Variants in ANKS1B observed in about 807,000 individuals in gnomAD.
The protein encoded by ANKS1B is ankyrin repeat and sterile alpha motif domain-containing protein 1B.
In ANKS1B, 36 loss-of-function variants were observed where a neutral mutation model predicts 148.3. The ratio of observed to expected loss-of-function variants is 0.24; its 90% CI spans 0.19 to 0.32. The LOEUF is 0.32. Among genes scored for constraint, ANKS1B ranks in the 10% least tolerant of loss-of-function variants. The pLI is 1.00. For missense variants in ANKS1B, 1,157 were observed against 1,542.6 expected, an observed-to-expected ratio of 0.75 and a Z score of 4.19; for synonymous variants, 542 against 560.8, an observed-to-expected ratio of 0.97 and a Z score of 0.47.
Position 99,632,727 on chromosome 12 carries a change from C to CTAGATA in ANKS1B, c.1272+22339_1272+22340insTATCTA, listed in dbSNP as rs1419756181. ...TTTGGCCTGTGTCTTCCTTTTCTTT[C>CTAGATA]TATATATATATATATATATATATAT... On this transcript the variant is annotated intron_variant, in intron 9 of 26. Transcript: ENST00000683438. 1.3e-3 allele frequency among the ~76,000 whole-genome samples: 52 copies of CTAGATA among 39,032 alleles called. 2 individuals carry two copies. The highest frequency in any genetic ancestry group is 9.1e-3 in the East Asian group (9 of 984). The allele number at this position is 39,032 out of a possible 152,430, so 25.6% of individuals were successfully genotyped here.
intron 17 of ANKS1B, among the ~76,000 whole-genome samples, chr12:98,884,403 T>C (rs1304204458): frequency 1.3e-5 from 2 of 152,262 alleles, no homozygotes; most frequent in Non-Finnish European, 2.9e-5. Context: ...AGTTCATACA[T>C]ATGTACTTCT....
intron 14 of ANKS1B, among the ~76,000 whole-genome samples, chr12:99,234,296 C>T (rs1433246658): frequency 6.6e-6 from 1 of 152,242 alleles, no homozygotes; most frequent in African/African-American, 2.4e-5. Context: ...ACTTAGACCA[C>T]TTAAATCAAT....
At chr12:99,423,931 C>T (rs369594105) in intron 11 of ANKS1B, among the ~76,000 whole-genome samples, 1 of 152,084 alleles carries the variant, frequency 6.6e-6, no homozygotes, top group South Asian at 2.1e-4. Context: ...ATAACCCCCC[C>T]ACCCCGACAC....
Position 98,751,570 on chromosome 12 carries a change from G to C in ANKS1B, c.3580-48C>G. Reference sequence around the variant, plus strand: ...TTTGCTACTGGCACACTGCAAATTAGAATGGGTCGAATGGCTGAGGAACAC... The same window carrying C: ...TTTGCTACTGGCACACTGCAAATTACAATGGGTCGAATGGCTGAGGAACAC... On this transcript the variant is annotated intron_variant, in intron 25 of 26. Transcript: ENST00000683438. This position sits in a 1 kb window ranked among gnomAD's most constrained non-coding sequence, Gnocchi z 4.3. 1 of 1,566,410 alleles carries C rather than the reference G, an allele frequency of 6.4e-7. No homozygotes were observed.
chr12:99,212,979 G>A (rs948174167), intron 14 of ANKS1B, among the ~76,000 whole-genome samples: 2 of 152,200 alleles, frequency 1.3e-5, no homozygotes, highest in African/African-American at 4.8e-5. Context: ...AATGTAAAGT[G>A]AGTACCAGCG....
At chr12:99,496,811 C>T (rs1428700878) in intron 10 of ANKS1B, among the ~76,000 whole-genome samples, 1 of 152,024 alleles carries the variant, frequency 6.6e-6, no homozygotes, top group Non-Finnish European at 1.5e-5. Flanking sequence ...GGAAAGTTAA[C>T]TTTGATTTTC....
chr12:99,542,249 T>C (rs533181111), intron 9 of ANKS1B, among the ~76,000 whole-genome samples: 2 of 152,318 alleles, frequency 1.3e-5, no homozygotes, highest in East Asian at 3.9e-4. Flanking sequence ...AAAAAACCAA[T>C]TGTATTTCTA....
intron 1 of ANKS1B, among the ~76,000 whole-genome samples, chr12:99,864,313 T>G (rs1413131097): frequency 6.6e-6 from 1 of 152,132 alleles, no homozygotes; most frequent in African/African-American, 2.4e-5. Context: ...TTTAGTGAAT[T>G]CACAATTATT....
intron 14 of ANKS1B, among the ~76,000 whole-genome samples, chr12:99,225,593 A>C (rs1000628771): frequency 3.9e-5 from 6 of 152,170 alleles, no homozygotes; most frequent in Admixed American, 1.3e-4. Flanking sequence ...CAGCGTGGCT[A>C]CAAAAAAGCA....
intron 10 of ANKS1B, among the ~76,000 whole-genome samples, chr12:99,500,834 TTCTC>T (rs775963631): frequency 6.6e-6 from 1 of 152,200 alleles, no homozygotes; most frequent in Non-Finnish European, 1.5e-5. Context: ...ATTTGTCACA[TTCTC>T]TCTTTCTTCT....
rs2095744084 is a variant in ANKS1B, at chr12:99,983,809, G to A, written c.134+295C>T. On this transcript the variant is annotated intron_variant, in intron 1 of 26. Transcript: ENST00000683438. ...AATGTTGATGGAAAGCGGGCGGAACGTCGATTTTCTTCAAGCAACACTAGT... is the reference window on the plus strand; with the variant it reads ...AATGTTGATGGAAAGCGGGCGGAACATCGATTTTCTTCAAGCAACACTAGT... Among the ~76,000 whole-genome samples the A allele has an allele frequency of 5.9e-5, 9 of 152,016 alleles. No individual in the cohort carries two copies. The South Asian group carries it at 1.9e-3, about 31-fold the overall frequency.
chr12:99,242,422 T>C (rs1334980183), intron 14 of ANKS1B, among the ~76,000 whole-genome samples: 2 of 152,200 alleles, frequency 1.3e-5, no homozygotes, highest in Non-Finnish European at 2.9e-5. Flanking sequence ...GAACATTCCA[T>C]GCTCATGGAT....
At chr12:99,447,993 A>G (rs1447237814) in intron 10 of ANKS1B, among the ~76,000 whole-genome samples, 2 of 152,134 alleles carry the variant, frequency 1.3e-5, no homozygotes, top group Admixed American at 6.6e-5. Context: ...ACCACTGTAC[A>G]CTGTTAATGG....
intron 12 of ANKS1B, among the ~76,000 whole-genome samples, chr12:99,305,195 T>C (rs1226530613): frequency 1.3e-5 from 2 of 152,058 alleles, no homozygotes; most frequent in Non-Finnish European, 2.9e-5. Context: ...AAGCCATTCA[T>C]GAGGGATCTA....
At chr12:99,181,080 T>C (rs1047076294) in intron 14 of ANKS1B, among the ~76,000 whole-genome samples, 2 of 152,202 alleles carry the variant, frequency 1.3e-5, no homozygotes, top group Non-Finnish European at 2.9e-5. Flanking sequence ...AATCTAAGCA[T>C]AAAAATATAG....
At chr12:99,061,603 C>A (rs1389321742) in intron 16 of ANKS1B, among the ~76,000 whole-genome samples, 1 of 152,210 alleles carries the variant, frequency 6.6e-6, no homozygotes, top group East Asian at 1.9e-4. Flanking sequence ...ACCTTGTAAA[C>A]CTGCACTGCT....
chr12:99,472,383 T>C (rs1015339754), intron 10 of ANKS1B, among the ~76,000 whole-genome samples: 13 of 152,144 alleles, frequency 8.5e-5, no homozygotes, highest in African/African-American at 2.9e-4. Context: ...CTACAGAGCG[T>C]GAGCTCCTTG....
chr12:99,893,152 T>C (rs1310046450), intron 1 of ANKS1B, among the ~76,000 whole-genome samples: 1 of 152,140 alleles, frequency 6.6e-6, no homozygotes, highest in African/African-American at 2.4e-5. Context: ...GGCTCACAAC[T>C]GTAATCCTAG....
chr12:99,089,944 T>C (rs926361263), intron 15 of ANKS1B, among the ~76,000 whole-genome samples: 1 of 152,232 alleles, frequency 6.6e-6, no homozygotes, highest in Admixed American at 6.5e-5. Context: ...ATGCAGTATT[T>C]TTAGAATAGC....
Sources: allele counts gnomAD v4.1 joint callset (sites outside exome capture counted in the v4.1 genomes callset), GRCh38; gene constraint gnomAD v4.1.1; non-coding constraint Gnocchi (gnomAD v3.1); transcripts MANE v1.5; gene names NCBI Gene and HGNC (gene_info 2026-07-23, HGNC 2026-07-21).